PCSK2: variants seen among roughly 807,000 people sequenced by gnomAD.
PCSK2 encodes the protein proprotein convertase subtilisin/kexin type 2.
In PCSK2, 14 loss-of-function variants were observed where a neutral mutation model predicts 69.7. The ratio of observed to expected loss-of-function variants is 0.20; its 90% CI spans 0.13 to 0.31. PCSK2 has a LOEUF of 0.31. PCSK2 is among the 10% of genes least tolerant of loss of function. The pLI, the probability that PCSK2 is intolerant of heterozygous loss-of-function variation, is 1.00. For missense variants in PCSK2, 544 were observed against 842.5 expected (o/e 0.65, Z 4.39); for synonymous variants, 307 against 320.7 (o/e 0.96, Z 0.46).
intron 2 of PCSK2, among the ~76,000 whole-genome samples, chr20:17,336,881 G>A (rs62200976): frequency 1.3e-5 from 2 of 152,070 alleles, no homozygotes; most frequent in Non-Finnish European, 2.9e-5. Flanking sequence ...CTGCATCCTA[G>A]GTGTCCATGT....
chr20:17,381,354 A>G (rs908703291), intron 5 of PCSK2, among the ~76,000 whole-genome samples: 7 of 152,208 alleles, frequency 4.6e-5, no homozygotes, highest in Admixed American at 4.6e-4. Flanking sequence ...GTGCTCTGCT[A>G]GGCAGAAGAA....
chr20:17,420,986 G>T (rs189912813), intron 6 of PCSK2, among the ~76,000 whole-genome samples: 1 of 152,118 alleles, frequency 6.6e-6, no homozygotes, highest in Non-Finnish European at 1.5e-5. Flanking sequence ...ATTATTCAAC[G>T]ACAAAGAAAA....
At chr20:17,430,357 C>T (rs2032338797) in intron 7 of PCSK2, among the ~76,000 whole-genome samples, 1 of 152,202 alleles carries the variant, frequency 6.6e-6, no homozygotes. Flanking sequence ...GGCTGAGTCA[C>T]CCAACCTTGT....
intron 1 of PCSK2, among the ~76,000 whole-genome samples, chr20:17,242,247 C>G (rs1986605371): frequency 6.6e-6 from 1 of 152,260 alleles, no homozygotes; most frequent in Admixed American, 6.5e-5. Context: ...GTAGGCAGGG[C>G]TGGCTTACAG....
At chr20:17,291,140 T>TA (rs58332398) in intron 2 of PCSK2, among the ~76,000 whole-genome samples, 2,740 of 147,226 alleles carry the variant, frequency 0.019, 63 homozygotes, top group African/African-American at 0.055. Flanking sequence ...GTGTGAAGTT[T>TA]AAAAAAAAAA....
chr20:17,408,308 G>C (rs6044791), intron 5 of PCSK2, among the ~76,000 whole-genome samples: 62 of 152,110 alleles, frequency 4.1e-4, no homozygotes, highest in Admixed American at 1.2e-3. Flanking sequence ...GAATGGGGAA[G>C]GAATGGGTTA....
chr20:17,475,210 T>G (rs190135054), intron 11 of PCSK2, among the ~76,000 whole-genome samples: 9 of 151,540 alleles, frequency 5.9e-5, no homozygotes, highest in Admixed American at 1.3e-4. Context: ...GCAGGAGCAT[T>G]GGTTTTATGT....
At chr20:17,405,679 T>C (rs1471154702) in intron 5 of PCSK2, among the ~76,000 whole-genome samples, 5 of 152,272 alleles carry the variant, frequency 3.3e-5, no homozygotes, top group African/African-American at 1.2e-4. Context: ...GTTGTAATTA[T>C]TAAACTTTCT....
intron 2 of PCSK2, among the ~76,000 whole-genome samples, chr20:17,302,401 T>C (rs1342867391): frequency 6.6e-6 from 1 of 152,188 alleles, no homozygotes; most frequent in Non-Finnish European, 1.5e-5. Flanking sequence ...GATTGTTTTG[T>C]TGCTGTTGTT....
chr20:17,241,966 A>G (rs1296786123), intron 1 of PCSK2, among the ~76,000 whole-genome samples: 1 of 152,164 alleles, frequency 6.6e-6, no homozygotes, highest in Non-Finnish European at 1.5e-5. Context: ...AAAGTTTGTG[A>G]GTGAGGCTGT....
In PCSK2 at chr20:17,415,990, C is replaced by T. The variant is rs147453958; in HGVS notation, c.620+6651C>T. Among the ~76,000 whole-genome samples, 1,502 of 152,174 alleles carry T rather than the reference C, an allele frequency of 9.9e-3. 30 individuals carry two copies. Among genetic ancestry groups the T allele is most frequent in the African/African-American group, 0.033 (1,371 of 41,518 alleles). ...TAGCCACATGTAGAAAGCTGAAACT[C>T]GATCCCTTCCTTATACCTTATACAA... On this transcript the variant is annotated intron_variant, in intron 6 of 11. Transcript: ENST00000262545.
At chr20:17,380,012 T>G (rs1192483781) in intron 5 of PCSK2, among the ~76,000 whole-genome samples, 1 of 152,182 alleles carries the variant, frequency 6.6e-6, no homozygotes, top group Admixed American at 6.5e-5. Context: ...GCCTCACTCC[T>G]ACAACCACAA....
chr20:17,465,270 C>A (rs1029569564), intron 10 of PCSK2, 56 bp from the exon 11 acceptor site: 1 of 1,184,406 alleles, frequency 8.4e-7, no homozygotes, highest in Non-Finnish European at 1.3e-6. Context: ...TGCCTCTCTC[C>A]CTCTCTCACC....
At chr20:17,415,442 A>G (rs898651349) in intron 6 of PCSK2, among the ~76,000 whole-genome samples, 1 of 152,196 alleles carries the variant, frequency 6.6e-6, no homozygotes, top group Non-Finnish European at 1.5e-5. Context: ...CACAATTGCT[A>G]CAAAGAGAAT....
At chr20:17,347,851 AG>A (rs1990701904) in intron 2 of PCSK2, among the ~76,000 whole-genome samples, 2 of 132,086 alleles carry the variant, frequency 1.5e-5, no homozygotes, top group Admixed American at 7.6e-5. Context: ...AAAGAAAGAA[AG>A]AAAGAAAGAG....
intron 2 of PCSK2, among the ~76,000 whole-genome samples, chr20:17,340,040 AAATTC>A (rs1233379477): frequency 1.3e-5 from 2 of 152,232 alleles, no homozygotes. Flanking sequence ...CTCTGGCTAT[AAATTC>A]CTAAGCATGG....
chr20:17,252,778 G>A (rs541699946), intron 1 of PCSK2, among the ~76,000 whole-genome samples: 256 of 152,272 alleles, frequency 1.7e-3, no homozygotes, highest in Non-Finnish European at 2.7e-3. Context: ...ACCAAACACA[G>A]TGCCTGGCTT....
chr20:17,304,596 T>A (rs1208421076), intron 2 of PCSK2, among the ~76,000 whole-genome samples: 1 of 152,222 alleles, frequency 6.6e-6, no homozygotes, highest in Non-Finnish European at 1.5e-5. Flanking sequence ...ACTTAGAAAC[T>A]TTTCTGTGTT....
rs2123382383 is a variant in PCSK2, at chr20:17,453,991, G to C, written c.1101+34G>C. 3 of 1,612,074 alleles carry C rather than the reference G, an allele frequency of 1.9e-6. No individual in the cohort carries two copies. Among genetic ancestry groups the C allele is most frequent in the Non-Finnish European group, 2.5e-6 (3 of 1,179,210 alleles). On this transcript the variant is annotated intron_variant, in intron 9 of 11. Coordinates refer to ENST00000262545, the MANE Select transcript of PCSK2 (RefSeq NM_002594.5). The surrounding 1 kb of genome is among the most constrained non-coding windows in gnomAD (Gnocchi z 4.0). Reference sequence around the variant, plus strand: ...GTCCCCTTCTGTCCTTGTTTCCTTAGGGCCACTGCACCTCTGTGTCAGGGT... The same window carrying C: ...GTCCCCTTCTGTCCTTGTTTCCTTACGGCCACTGCACCTCTGTGTCAGGGT...
Sources: allele counts gnomAD v4.1 joint callset (sites outside exome capture counted in the v4.1 genomes callset), GRCh38; gene constraint gnomAD v4.1.1; non-coding constraint Gnocchi (gnomAD v3.1); transcripts MANE v1.5; gene names NCBI Gene and HGNC (gene_info 2026-07-23, HGNC 2026-07-21).